Variants in STK32B observed in about 807,000 individuals in gnomAD.
STK32B encodes the protein serine/threonine-protein kinase 32B.
In STK32B, 43 loss-of-function variants were observed where a neutral mutation model predicts 52.6. The ratio of observed to expected loss-of-function variants is 0.82; its 90% CI spans 0.64 to 1.05. The LOEUF (loss-of-function observed/expected upper bound fraction) is 1.05, where lower values mean the gene tolerates loss of function less well. Ranked by LOEUF, STK32B falls within the 50% of genes least tolerant of loss-of-function variation. The pLI is 0.00. For missense variants in STK32B, 621 were observed against 534.6 expected (o/e 1.16, Z -1.59); for synonymous variants, 238 against 204.3 (o/e 1.17, Z -1.41).
Position 5,322,493 on chromosome 4 carries a change from A to G in STK32B, c.261-8727A>G, listed in dbSNP as rs147308058. Among the ~76,000 whole-genome samples the G allele has an allele frequency of 3.3e-3, 496 of 152,220 alleles. 4 individuals are homozygous for G. Among genetic ancestry groups the G allele is most frequent in the African/African-American group, 0.011 (472 of 41,540 alleles). On this transcript the variant is annotated intron_variant, in intron 3 of 11. Coordinates refer to ENST00000282908, the MANE Select transcript of STK32B (RefSeq NM_018401.3). ...TTGCCACACAGTAAAAACACAGGAG[A>G]TGAGTGTTGTAGACATGTGGTTTGT...
chr4:5,092,776 A>G (rs1198315980), intron 1 of STK32B, among the ~76,000 whole-genome samples: 1 of 152,008 alleles, frequency 6.6e-6, no homozygotes, highest in Non-Finnish European at 1.5e-5. Flanking sequence ...GTGCTAAACC[A>G]TTCATGAGAA....
At chr4:5,122,051 C>T (rs114901853) in intron 1 of STK32B, among the ~76,000 whole-genome samples, 136 of 152,206 alleles carry the variant, frequency 8.9e-4, no homozygotes, top group African/African-American at 3.1e-3. Context: ...CATTCACTCG[C>T]TCATTCATTC....
chr4:5,096,452 C>T (rs1286413360), intron 1 of STK32B, among the ~76,000 whole-genome samples: 1 of 152,160 alleles, frequency 6.6e-6, no homozygotes, highest in Non-Finnish European at 1.5e-5. Context: ...TCCATGTTTC[C>T]CGCACTCCAG....
the STK32B span, among the ~76,000 whole-genome samples, chr4:5,035,781 A>ATTTTT: frequency 6.9e-6 from 1 of 143,908 alleles, no homozygotes; most frequent in Non-Finnish European, 1.5e-5. Flanking sequence ...GGATCTGTAA[A>ATTTTT]TTTTTTTTTT....
chr4:5,026,149 A>G, the STK32B span, among the ~76,000 whole-genome samples: 3 of 152,122 alleles, frequency 2.0e-5, no homozygotes, highest in African/African-American at 7.2e-5. Flanking sequence ...GTGATCTAAT[A>G]TTTTCAGGAT....
At chr4:5,401,922 G>C (rs896292936) in intron 5 of STK32B, among the ~76,000 whole-genome samples, 27 of 152,212 alleles carry the variant, frequency 1.8e-4, no homozygotes, top group African/African-American at 6.5e-4. Context: ...GGTTGGGTAG[G>C]CAGGACTGTT....
chr4:5,096,011 G>T (rs557504252), intron 1 of STK32B, among the ~76,000 whole-genome samples: 1 of 152,330 alleles, frequency 6.6e-6, no homozygotes, highest in African/African-American at 2.4e-5. Context: ...TTCATGGGAT[G>T]TGGAATTATG....
chr4:5,468,172 A>G, intron 11 of STK32B, 102 bp downstream of exon 11: 1 of 1,215,280 alleles, frequency 8.2e-7, no homozygotes, highest in Admixed American at 1.7e-5. Flanking sequence ...GGCCTTGACG[A>G]CAAAAGGGAA....
rs531171107 is a variant in STK32B at position 5,293,034 on chromosome 4, A to G, written c.261-38186A>G. 3.9e-5 allele frequency among the ~76,000 whole-genome samples: 6 copies of G among 151,994 alleles called. No individual in the cohort carries two copies. The South Asian group carries it at 1.2e-3, about 32-fold the overall frequency. ...TCAGCTCCCACTTATAAGTGTGAACATTTGGTGTTTGGTTTTCTGTTTCTG... is the reference window on the plus strand; with the variant it reads ...TCAGCTCCCACTTATAAGTGTGAACGTTTGGTGTTTGGTTTTCTGTTTCTG... On this transcript the variant is annotated intron_variant, in intron 3 of 11. Transcript: ENST00000282908.
At chr4:5,187,632 G>A (rs937977204) in intron 3 of STK32B, among the ~76,000 whole-genome samples, 2 of 151,378 alleles carry the variant, frequency 1.3e-5, no homozygotes, top group African/African-American at 4.9e-5. Flanking sequence ...GGAGGGGGGG[G>A]ACAAGCCCTG....
chr4:5,347,923 A>T (rs949834820), intron 4 of STK32B, among the ~76,000 whole-genome samples: 3 of 152,222 alleles, frequency 2.0e-5, no homozygotes, highest in Non-Finnish European at 4.4e-5. Flanking sequence ...TTAAAAAAAT[A>T]AATTACCCAG....
Position 5,378,975 on chromosome 4 carries a change from G to A in STK32B, c.435-19232G>A, listed in dbSNP as rs1218362579. On this transcript the variant is annotated intron_variant, in intron 4 of 11. Transcript: ENST00000282908. The surrounding 1 kb of genome is among the most constrained non-coding windows in gnomAD (Gnocchi z 4.4). ...CTGACAAAAAGCTCTGTGGAGAGAG[G>A]TCAGGCCCTGGCTGTGCTGATGGTG... 1.3e-5 allele frequency among the ~76,000 whole-genome samples: 2 copies of A among 152,174 alleles called. No individual in the cohort carries two copies. Among genetic ancestry groups the A allele is most frequent in the South Asian group, 4.1e-4 (2 of 4,828 alleles).
rs1385822530 is a variant in STK32B at position 5,058,621 on chromosome 4, G to A, written c.52+6706G>A. ...CTCTGGCGCCCAGCTGGAGTGCAGT[G>A]GTGTGATTGTGACTCACTGCAGCCT... On this transcript the variant is annotated intron_variant, in intron 1 of 11. Coordinates refer to ENST00000282908, the MANE Select transcript of STK32B (RefSeq NM_018401.3). This position sits in a 1 kb window ranked among gnomAD's most constrained non-coding sequence, Gnocchi z 4.8. Among the ~76,000 whole-genome samples, 1 of 152,068 alleles carries A rather than the reference G, an allele frequency of 6.6e-6. No individual in the cohort carries two copies. The highest frequency in any genetic ancestry group is 2.4e-5 in the African/African-American group (1 of 41,392).
At chr4:5,111,498 T>C (rs888002564) in intron 1 of STK32B, among the ~76,000 whole-genome samples, 1 of 152,008 alleles carries the variant, frequency 6.6e-6, no homozygotes, top group African/African-American at 2.4e-5. Context: ...TTATCCTAAG[T>C]GAACTAACAC....
chr4:5,421,696 G>A (rs903769837), intron 6 of STK32B, among the ~76,000 whole-genome samples: 2 of 152,216 alleles, frequency 1.3e-5, no homozygotes, highest in African/African-American at 4.8e-5. Context: ...GGAAAGCAGA[G>A]CCATGGGGAC....
chr4:5,204,273 T>C (rs12510448), intron 3 of STK32B: 9,950 of 152,320 alleles, frequency 0.065, 561 homozygotes, highest in Admixed American at 0.17. Context: ...TTATTGAACA[T>C]GTGTTCTGTG....
intron 2 of STK32B, among the ~76,000 whole-genome samples, chr4:5,155,772 TG>T (rs1314746281): frequency 6.6e-6 from 1 of 152,168 alleles, no homozygotes; most frequent in East Asian, 1.9e-4. Flanking sequence ...TCGCCATGAT[TG>T]TAAGTTTCCT....
At chr4:5,067,156 G>A (rs1203369293) in intron 1 of STK32B, among the ~76,000 whole-genome samples, 1 of 152,160 alleles carries the variant, frequency 6.6e-6, no homozygotes, top group Non-Finnish European at 1.5e-5. Context: ...CAGGCAAAGA[G>A]GAAATGAGAA....
intron 3 of STK32B, among the ~76,000 whole-genome samples, chr4:5,256,829 G>T (rs554863075): frequency 6.6e-5 from 10 of 152,184 alleles, no homozygotes; most frequent in Non-Finnish European, 1.5e-4. Flanking sequence ...ACGATGTCAG[G>T]TGTTTTTCTT....
Sources: allele counts gnomAD v4.1 joint callset (sites outside exome capture counted in the v4.1 genomes callset), GRCh38; gene constraint gnomAD v4.1.1; non-coding constraint Gnocchi (gnomAD v3.1); transcripts MANE v1.5; gene names NCBI Gene and HGNC (gene_info 2026-07-23, HGNC 2026-07-21).